Variants in CACNA2D3 observed in about 807,000 individuals in gnomAD.
CACNA2D3 encodes calcium voltage-gated channel auxiliary subunit alpha2delta 3, also known as voltage-dependent calcium channel subunit alpha-2/delta-3.
CACNA2D3 carries 60 observed loss-of-function variants against 160.6 expected under a neutral mutation model. That is an observed-to-expected ratio of 0.37 (90% CI 0.30 to 0.46). The LOEUF is 0.46. Among genes scored for constraint, CACNA2D3 ranks in the 20% least tolerant of loss-of-function variants. CACNA2D3 has a pLI of 1.00. For missense variants in CACNA2D3, 1,205 were observed against 1,365.0 expected (o/e 0.88, Z 1.85); for synonymous variants, 558 against 492.9 (o/e 1.13, Z -1.75).
chr3:54,242,771 G>T (rs1213408072), intron 2 of CACNA2D3, among the ~76,000 whole-genome samples: 1 of 152,158 alleles, frequency 6.6e-6, no homozygotes, highest in African/African-American at 2.4e-5. Flanking sequence ...TAATATTTTT[G>T]GATTGAGGTT....
At chr3:54,610,579 A>G (rs923980638) in intron 9 of CACNA2D3, among the ~76,000 whole-genome samples, 2 of 151,798 alleles carry the variant, frequency 1.3e-5, no homozygotes, top group African/African-American at 2.4e-5. Context: ...TGGCTTCTAT[A>G]TTTCAGAATT....
At chr3:54,420,117 C>T (rs1699815156) in intron 4 of CACNA2D3, among the ~76,000 whole-genome samples, 1 of 151,890 alleles carries the variant, frequency 6.6e-6, no homozygotes, top group Non-Finnish European at 1.5e-5. Context: ...TGGAGTCTCG[C>T]TCTGTCGCCC....
At chr3:54,506,683 GC>G (rs1223164959) in intron 5 of CACNA2D3, among the ~76,000 whole-genome samples, 3 of 152,166 alleles carry the variant, frequency 2.0e-5, no homozygotes, top group Non-Finnish European at 4.4e-5. Context: ...GCATCTCAGG[GC>G]CCTCAGGTTG....
At chr3:54,327,102 A>T (rs1704135330) in intron 3 of CACNA2D3, among the ~76,000 whole-genome samples, 1 of 152,182 alleles carries the variant, frequency 6.6e-6, no homozygotes, top group Admixed American at 6.5e-5. Context: ...AATGGCTGAG[A>T]ACAAAACCAC....
At chr3:54,804,696 C>T (rs778228715) in intron 13 of CACNA2D3, among the ~76,000 whole-genome samples, 117 of 152,210 alleles carry the variant, frequency 7.7e-4, no homozygotes, top group Non-Finnish European at 9.6e-4. Flanking sequence ...CTGCACCAAG[C>T]GGACCTAATA....
intron 35 of CACNA2D3, among the ~76,000 whole-genome samples, chr3:55,026,834 C>T (rs565526205): frequency 1.3e-5 from 2 of 152,258 alleles, no homozygotes; most frequent in East Asian, 3.9e-4. Flanking sequence ...CGGTATGGAA[C>T]CACTGAAAGG....
intron 14 of CACNA2D3, among the ~76,000 whole-genome samples, chr3:54,824,330 C>T (rs1389963939): frequency 2.0e-5 from 3 of 152,172 alleles, no homozygotes; most frequent in Non-Finnish European, 4.4e-5. Context: ...GTGGAGGTCA[C>T]CCACCCAACA....
At chr3:54,235,122 A>G (rs1179677053) in intron 2 of CACNA2D3, among the ~76,000 whole-genome samples, 1 of 152,134 alleles carries the variant, frequency 6.6e-6, no homozygotes, top group Non-Finnish European at 1.5e-5. Context: ...GAGGGCAGGG[A>G]ATTTATGAGT....
chr3:54,959,917 T>C (rs1701990525), intron 27 of CACNA2D3, among the ~76,000 whole-genome samples: 1 of 152,102 alleles, frequency 6.6e-6, no homozygotes, highest in Non-Finnish European at 1.5e-5. Flanking sequence ...CCAGATTACC[T>C]CAAGGGTGAA....
At chr3:54,934,249 C>T (rs1701274782) in intron 27 of CACNA2D3, among the ~76,000 whole-genome samples, 1 of 152,164 alleles carries the variant, frequency 6.6e-6, no homozygotes, top group African/African-American at 2.4e-5. Context: ...ATTTTTTACA[C>T]AACCCATTCT....
At chr3:54,822,749 T>A (rs1166110490) in intron 14 of CACNA2D3, among the ~76,000 whole-genome samples, 1 of 70,910 alleles carries the variant, frequency 1.4e-5, no homozygotes, top group African/African-American at 5.9e-5. Flanking sequence ...TTTCTTTCTT[T>A]CTTTCTTTCT....
chr3:54,539,911 G>A (rs550636551), intron 5 of CACNA2D3, among the ~76,000 whole-genome samples: 73 of 152,240 alleles, frequency 4.8e-4, no homozygotes, highest in African/African-American at 1.8e-3. Context: ...CCCTGCTTCT[G>A]GGTTGGAAGA....
At chr3:54,795,723 T>C (rs1229688002) in intron 13 of CACNA2D3, among the ~76,000 whole-genome samples, 1 of 152,296 alleles carries the variant, frequency 6.6e-6, no homozygotes, top group South Asian at 2.1e-4. Context: ...CAAATCTGCC[T>C]CTTTGAGGTT....
At chr3:54,853,837 G>A (rs1309800713) in intron 17 of CACNA2D3, among the ~76,000 whole-genome samples, 1 of 152,090 alleles carries the variant, frequency 6.6e-6, no homozygotes, top group Non-Finnish European at 1.5e-5. Context: ...CTCATCTCAG[G>A]ACCATGCATT....
intron 2 of CACNA2D3, among the ~76,000 whole-genome samples, chr3:54,139,767 C>T (rs1699886222): frequency 1.3e-5 from 2 of 152,140 alleles, no homozygotes; most frequent in Non-Finnish European, 2.9e-5. Flanking sequence ...AAAAAAAAGC[C>T]AGCATTCATT....
At chr3:54,278,775 G>A (rs910233560) in intron 2 of CACNA2D3, among the ~76,000 whole-genome samples, 16 of 152,058 alleles carry the variant, frequency 1.1e-4, no homozygotes. Context: ...ATAAGTGGGA[G>A]TTGAACAATG....
At chr3:54,357,078 G>C (rs1698661350) in intron 3 of CACNA2D3, among the ~76,000 whole-genome samples, 1 of 152,102 alleles carries the variant, frequency 6.6e-6, no homozygotes, top group Non-Finnish European at 1.5e-5. Context: ...CCTTAGCTTT[G>C]GTTCCTCTTG....
chr3:54,588,636 C>A (rs1488702866), intron 9 of CACNA2D3, among the ~76,000 whole-genome samples: 1 of 152,060 alleles, frequency 6.6e-6, no homozygotes, highest in East Asian at 1.9e-4. Flanking sequence ...CAAAAACCAT[C>A]CTATTTCTCT....
At position 54,813,508 on chromosome 3, in the gene CACNA2D3, C is replaced by T. The variant is rs145247850; in HGVS notation, c.1381-3345C>T. The stretch of plus-strand genomic sequence containing the variant: ...CTATTCCTCTAGCAGATATATTTTT[C>T]TCTTGAAGGCCATCAGCTTGGGTGA... On this transcript the variant is annotated intron_variant, in intron 13 of 37. Transcript: ENST00000474759. 3.9e-3 allele frequency among the ~76,000 whole-genome samples: 599 copies of T among 152,252 alleles called. 19 individuals are homozygous for T. Among genetic ancestry groups the T allele is most frequent in the Admixed American group, 0.036 (551 of 15,288 alleles).
Sources: allele counts gnomAD v4.1 joint callset (sites outside exome capture counted in the v4.1 genomes callset), GRCh38; gene constraint gnomAD v4.1.1; transcripts MANE v1.5; gene names NCBI Gene and HGNC (gene_info 2026-07-23, HGNC 2026-07-21).